Variants in ERC1 observed in about 807,000 individuals in gnomAD.
The protein encoded by ERC1 is RAB6 interacting protein 2.
A neutral mutation model predicts 132.0 loss-of-function variants in ERC1; 56 were observed. That is an observed-to-expected ratio of 0.42 (90% CI 0.34 to 0.53). The LOEUF (loss-of-function observed/expected upper bound fraction) is 0.53. Among genes scored for constraint, ERC1 ranks in the 20% least tolerant of loss-of-function variants. The pLI is 0.03. For synonymous variants in ERC1, 478 were observed against 476.1 expected, an observed-to-expected ratio of 1.00 and a Z score of -0.05; for missense variants, 1,202 against 1,349.9, an observed-to-expected ratio of 0.89 and a Z score of 1.72.
chr12:1,009,811 A>C (rs888769376), intron 1 of ERC1, among the ~76,000 whole-genome samples: 12 of 152,182 alleles, frequency 7.9e-5, no homozygotes, highest in Non-Finnish European at 1.6e-4. Flanking sequence ...TATAAACTAG[A>C]TACTGTGTTA....
At chr12:1,440,516 T>C (rs1233527123) in intron 17 of ERC1, among the ~76,000 whole-genome samples, 1 of 150,690 alleles carries the variant, frequency 6.6e-6, no homozygotes, top group Non-Finnish European at 1.5e-5. Context: ...TTTTTTTTTT[T>C]TTTTTAATAG....
intron 17 of ERC1, among the ~76,000 whole-genome samples, chr12:1,439,684 A>G (rs933233832): frequency 1.8e-4 from 27 of 150,846 alleles, no homozygotes; most frequent in South Asian, 2.1e-4. Context: ...CTGTACAACC[A>G]ATTTGGCCTG....
At chr12:1,316,714 C>T (rs923675336) in intron 15 of ERC1, among the ~76,000 whole-genome samples, 2 of 152,138 alleles carry the variant, frequency 1.3e-5, no homozygotes, top group Non-Finnish European at 2.9e-5. Context: ...ACCATTTGAC[C>T]CAGCAATCCC....
chr12:1,097,094 CT>C (rs201580164), intron 3 of ERC1, among the ~76,000 whole-genome samples: 1 of 152,168 alleles, frequency 6.6e-6, no homozygotes, highest in Admixed American at 6.5e-5. Context: ...TTAATTCCTC[CT>C]TTTTTTTCTC....
chr12:1,439,259 G>T (rs2093036361), intron 17 of ERC1, among the ~76,000 whole-genome samples: 1 of 152,150 alleles, frequency 6.6e-6, no homozygotes, highest in Non-Finnish European at 1.5e-5. Context: ...GTGGAATGCT[G>T]TAGAATCTTC....
chr12:1,378,984 A>G (rs1291765486), intron 16 of ERC1, among the ~76,000 whole-genome samples: 1 of 152,228 alleles, frequency 6.6e-6, no homozygotes, highest in Non-Finnish European at 1.5e-5. Flanking sequence ...CAGGTCAAAT[A>G]TTGACGAATT....
At chr12:1,398,895 A>C (rs2090766266) in intron 16 of ERC1, among the ~76,000 whole-genome samples, 1 of 141,370 alleles carries the variant, frequency 7.1e-6, no homozygotes, top group African/African-American at 2.7e-5. Context: ...AGTAAACTTC[A>C]GTGCTGACAA....
chr12:1,437,791 A>G (rs1412898329), intron 17 of ERC1, among the ~76,000 whole-genome samples: 1 of 152,232 alleles, frequency 6.6e-6, no homozygotes, highest in African/African-American at 2.4e-5. Context: ...GTGGTAATGC[A>G]TCCTTAAAGA....
intron 12 of ERC1, among the ~76,000 whole-genome samples, chr12:1,212,878 A>G (rs1386777170): frequency 6.6e-6 from 1 of 152,174 alleles, no homozygotes; most frequent in Admixed American, 6.5e-5. Flanking sequence ...CTTTCTCAAA[A>G]TTGTATCCTC....
chr12:1,422,083 C>T (rs752536591), intron 17 of ERC1, among the ~76,000 whole-genome samples: 5 of 152,188 alleles, frequency 3.3e-5, no homozygotes, highest in Non-Finnish European at 5.9e-5. Flanking sequence ...TCCCATAATC[C>T]TAACCTTGTG....
At chr12:1,166,192 G>A (rs73593930) in intron 8 of ERC1, among the ~76,000 whole-genome samples, 6,486 of 152,220 alleles carry the variant, frequency 0.043, 448 homozygotes, top group African/African-American at 0.15. Context: ...CATGTATTGT[G>A]CGAGGGACCC....
At chr12:1,382,773 ATTGT>A (rs1192656030) in intron 16 of ERC1, among the ~76,000 whole-genome samples, 5 of 152,226 alleles carry the variant, frequency 3.3e-5, no homozygotes, top group Admixed American at 3.3e-4. Flanking sequence ...GTGTGTAAAG[ATTGT>A]TTAACTCTGT....
intron 3 of ERC1, among the ~76,000 whole-genome samples, chr12:1,092,656 A>G (rs945139681): frequency 1.3e-5 from 2 of 152,224 alleles, no homozygotes; most frequent in East Asian, 3.8e-4. Flanking sequence ...AACTCTTGCA[A>G]TCAGTATTAA....
intron 15 of ERC1, among the ~76,000 whole-genome samples, chr12:1,330,946 A>G (rs557636021): frequency 6.6e-5 from 10 of 152,228 alleles, no homozygotes; most frequent in Middle Eastern, 3.4e-3. Context: ...GCTACATTCA[A>G]TGTACTGTCC....
chr12:1,479,867 A>G (rs1232245219), intron 18 of ERC1, among the ~76,000 whole-genome samples: 1 of 152,160 alleles, frequency 6.6e-6, no homozygotes, highest in Non-Finnish European at 1.5e-5. Context: ...AGTCAACAGC[A>G]CGGAGCTGTC....
rs75475655 is a variant in ERC1 at position 1,448,540 on chromosome 12, C to T, written c.3213+3790C>T. ...GCCAAGAAACAGAAGATGTGAGTCA[C>T]TGCCAAATATGCATATTGGTTTATT... is the stretch of plus-strand genomic sequence containing the variant. On this transcript the variant is annotated intron_variant, in intron 18 of 18. Coordinates refer to ENST00000360905, the MANE Select transcript of ERC1 (RefSeq NM_178040.4). 3.1e-3 allele frequency among the ~76,000 whole-genome samples: 474 copies of T among 152,334 alleles called. 3 individuals are homozygous for T. Among genetic ancestry groups the T allele is most frequent in the African/African-American group, 0.011 (447 of 41,572 alleles).
chr12:1,377,845 T>G (rs10848466), intron 16 of ERC1, among the ~76,000 whole-genome samples: 69,758 of 152,032 alleles, frequency 0.46, 17,997 homozygotes, highest in African/African-American at 0.7. Context: ...AATTTCCCAG[T>G]CTTGTTTATA....
At position 1,491,886 on chromosome 12, in the gene ERC1, A is replaced by G; in HGVS notation, c.*1656A>G. Reference sequence around the variant, plus strand: ...CAAATCTAGTTCTTTGACCACCTCTACCACCAGAACCCAGCAGACACTCAC... The same window carrying G: ...CAAATCTAGTTCTTTGACCACCTCTGCCACCAGAACCCAGCAGACACTCAC... On this transcript the variant is annotated 3_prime_UTR_variant, in exon 19 of 19. Transcript: ENST00000360905. 2 of 232,630 alleles carry G rather than the reference A, an allele frequency of 8.6e-6. No homozygotes were observed. The highest frequency in any genetic ancestry group is 1.7e-5 in the Non-Finnish European group (2 of 117,696). The allele number at this position is 232,630 out of a possible 1,614,324, so 14.4% of individuals were successfully genotyped here. A position where few individuals can be genotyped will look rare whatever the true frequency, so the allele number is the denominator to read the frequency against.
At chr12:1,038,881 G>A (rs1969621899) in intron 2 of ERC1, among the ~76,000 whole-genome samples, 1 of 152,150 alleles carries the variant, frequency 6.6e-6, no homozygotes, top group Non-Finnish European at 1.5e-5. Flanking sequence ...TGGAGAAGAA[G>A]GTGCACATCC....
Sources: gnomAD v4.1 joint callset for allele counts (sites outside exome capture counted in the v4.1 genomes callset) on GRCh38, gnomAD v4.1.1 for gene constraint, MANE v1.5 for transcripts, NCBI Gene and HGNC (gene_info 2026-07-23, HGNC 2026-07-21) for gene names.